The following KLHDC7A variants were observed in gnomAD, a reference collection of about 807,000 sequenced individuals.
The protein encoded by KLHDC7A is kelch domain-containing protein 7A.
For synonymous variants in KLHDC7A, 464 were observed against 461.0 expected (o/e 1.01, Z -0.08); for missense variants, 1,123 against 1,052.6 (o/e 1.07, Z -0.93).
In KLHDC7A at chr1:18,482,936, C is replaced by A. The variant is rs377552667; in HGVS notation, c.1955C>A (p.Ala652Glu). ...SLRFLLFRFS[A>E]QEQRWWAGPT... Reference sequence around the variant, plus strand: ...CGCTTCCTGCTGTTCCGCTTCTCTGCGCAGGAGCAGCGCTGGTGGGCCGGC... The same window carrying A: ...CGCTTCCTGCTGTTCCGCTTCTCTGAGCAGGAGCAGCGCTGGTGGGCCGGC... Residue 652 changes from alanine (A) to glutamate (E), a missense_variant, in exon 1 of 1, where the codon GCG becomes GAG. By Grantham distance (107) the Ala-to-Glu change is moderately radical. Transcript: ENST00000400664. 3.4e-4 allele frequency: 554 copies of A among 1,611,464 alleles called. 1 individual carries two copies. The highest frequency in any genetic ancestry group is 4.3e-4 in the Non-Finnish European group (509 of 1,179,560).
In KLHDC7A at chr1:18,483,701, C is replaced by T; in HGVS notation, c.*386C>T. On this transcript the variant is annotated 3_prime_UTR_variant, in exon 1 of 1. Coordinates refer to ENST00000400664, the MANE Select transcript of KLHDC7A (RefSeq NM_152375.3). The stretch of plus-strand genomic sequence containing the variant: ...GCCAGTTGACCCCAGCAGCCCCTCG[C>T]TAGTTGCTCTGGAGAGGGGTTGGCT... 8.4e-7 allele frequency: 1 copy of T among 1,193,410 alleles called. No homozygotes were observed. Among genetic ancestry groups the T allele is most frequent in the Non-Finnish European group, 1.1e-6 (1 of 939,232 alleles). The allele number at this position is 1,193,410 out of a possible 1,614,324, so 73.9% of individuals were successfully genotyped here.
chr1:18,481,352 AGGAGC>A lies in KLHDC7A; in HGVS notation c.374_378del (p.Glu125GlyfsTer8). Reference sequence around the variant, plus strand: ...AAGCCCCAGAGAAAAGGCTCAGGTGAGGAGCGGGGCGGGCAGGGCTCGGACTCTGA... The same window carrying A: ...AAGCCCCAGAGAAAAGGCTCAGGTGAGGGGCGGGCAGGGCTCGGACTCTGA... On this transcript the variant is annotated frameshift_variant, in exon 1 of 1. Coordinates refer to ENST00000400664, the MANE Select transcript of KLHDC7A (RefSeq NM_152375.3). LOFTEE classifies it low-confidence loss of function (END_TRUNC). 6.2e-7 allele frequency: 1 copy of A among 1,604,018 alleles called. No individual in the cohort carries two copies. The highest frequency in any genetic ancestry group is 8.5e-7 in the Non-Finnish European group (1 of 1,174,712).
chr1:18,482,023 T>C lies in KLHDC7A; in HGVS notation c.1042T>C (p.Ser348Pro). 1 of 1,612,696 alleles carries C rather than the reference T, an allele frequency of 6.2e-7. No homozygotes were observed. ...DTKGAAERAASPQTGPWPSTR... is the reference protein window; with the variant it reads ...DTKGAAERAAPPQTGPWPSTR... Reference sequence around the variant, plus strand: ...AAAGGGTGCAGCCGAAAGAGCCGCCTCCCCGCAGACAGGGCCGTGGCCCTC... The same window carrying C: ...AAAGGGTGCAGCCGAAAGAGCCGCCCCCCCGCAGACAGGGCCGTGGCCCTC... The change falls in exon 1 of 1, where the codon TCC (serine) becomes CCC (proline). Residue 348 changes from serine (S) to proline (P), a missense_variant. Physicochemically the swap from Ser to Pro is moderately conservative, Grantham distance 74 (BLOSUM62 -1). Coordinates refer to ENST00000400664, the MANE Select transcript of KLHDC7A (RefSeq NM_152375.3).
Position 18,481,053 on chromosome 1 carries a change from A to G in KLHDC7A, c.72A>G (p.Ser24=), listed in dbSNP as rs1336041645. The change falls in exon 1 of 1, where the codon TCA becomes TCG. Residue 24 remains serine, a synonymous_variant. Coordinates refer to ENST00000400664, the MANE Select transcript of KLHDC7A (RefSeq NM_152375.3). ...DMQLTGKVVL[S]AAALLLVTVA... ...AGCTGACCGGCAAGGTGGTGCTGTC[A>G]GCCGCTGCCCTGCTCCTGGTGACTG... The G allele has an allele frequency of 1.2e-6, 2 of 1,613,470 alleles. No homozygotes were observed. Among genetic ancestry groups the G allele is most frequent in the Admixed American group, 3.3e-5 (2 of 59,968 alleles).
rs2086885782 is a variant in KLHDC7A at position 18,481,167 on chromosome 1, C to T, written c.186C>T (p.Gly62=). Residue 62 remains glycine (G), a synonymous_variant, in exon 1 of 1, where the codon GGC becomes GGT. Coordinates refer to ENST00000400664, the MANE Select transcript of KLHDC7A (RefSeq NM_152375.3). The stretch of plus-strand genomic sequence containing the variant: ...CAGAAGCCAAGGAGGAAGCAGAGGG[C>T]TCAGGGCAGCCTGCTGTACAGGAGG... ...GQAEAKEEAE[G]SGQPAVQEAS... 2 of 1,610,906 alleles carry T rather than the reference C, an allele frequency of 1.2e-6. No homozygotes were observed. The highest frequency in any genetic ancestry group is 4.5e-5 in the East Asian group (2 of 44,872).
Position 18,482,762 on chromosome 1 carries a change from T to G in KLHDC7A, c.1781T>G (p.Ile594Ser). The G allele has an allele frequency of 6.2e-7, 1 of 1,610,422 alleles. No homozygotes were observed. The highest frequency in any genetic ancestry group is 1.7e-5 in the Admixed American group (1 of 59,872). Residue 594 changes from isoleucine (I) to serine (S), a missense_variant, in exon 1 of 1, where the codon ATC becomes AGC. Transcript: ENST00000400664. ...LVALDGHLYAIGGECLNSVER... is the reference protein window; with the variant it reads ...LVALDGHLYASGGECLNSVER... Reference sequence around the variant, plus strand: ...GCCCTGGACGGGCACCTGTATGCCATCGGCGGAGAGTGTCTGAACTCGGTG... The same window carrying G: ...GCCCTGGACGGGCACCTGTATGCCAGCGGCGGAGAGTGTCTGAACTCGGTG...
In KLHDC7A at chr1:18,481,676, G is replaced by T; in HGVS notation, c.695G>T (p.Ser232Ile). 1 of 1,614,140 alleles carries T rather than the reference G, an allele frequency of 6.2e-7. No individual in the cohort carries two copies. The highest frequency in any genetic ancestry group is 1.1e-5 in the South Asian group (1 of 91,088). ...GTCTTCACCCGTGTGATAGGGGTCAGCAGAGAAGAGGCTGGGGCTCTCGAG... is the reference window on the plus strand; with the variant it reads ...GTCTTCACCCGTGTGATAGGGGTCATCAGAGAAGAGGCTGGGGCTCTCGAG... The part of the protein sequence containing the change: ...SWVFTRVIGV[S>I]REEAGALEAA... The change falls in exon 1 of 1, where the codon AGC becomes ATC. Residue 232 changes from serine (S) to isoleucine (I), a missense_variant. Transcript: ENST00000400664.
Position 18,484,349 on chromosome 1 carries a change from A to C in KLHDC7A, c.*1034A>C. On this transcript the variant is annotated 3_prime_UTR_variant, in exon 1 of 1. Coordinates refer to ENST00000400664, the MANE Select transcript of KLHDC7A (RefSeq NM_152375.3). ...TCTCCTTTCACATCTGGTTTGATAA[A>C]CTCCGAATGAAGGAGACCCCCAGCC... 7.2e-6 allele frequency: 2 copies of C among 277,974 alleles called. No homozygotes were observed. Among genetic ancestry groups the C allele is most frequent in the Non-Finnish European group, 7.6e-6 (1 of 132,274 alleles). 17.2% of individuals were successfully genotyped at this position (277,974 alleles called of 1,614,324 possible).
rs2086915546 is a variant in KLHDC7A, at chr1:18,483,639, T to G, written c.*324T>G. 2 of 1,252,256 alleles carry G rather than the reference T, an allele frequency of 1.6e-6. No individual in the cohort carries two copies. Among genetic ancestry groups the G allele is most frequent in the Non-Finnish European group, 2.0e-6 (2 of 978,126 alleles). 77.6% of individuals were successfully genotyped at this position (1,252,256 alleles called of 1,614,324 possible). The stretch of plus-strand genomic sequence containing the variant: ...GATACACCGGGACCCCACCAAAGCT[T>G]AGGGGGCATAGTCTTTTTGCAATCA... On this transcript the variant is annotated 3_prime_UTR_variant, in exon 1 of 1. Transcript: ENST00000400664.
rs1381526670 is a variant in KLHDC7A at position 18,481,608 on chromosome 1, C to T, written c.627C>T (p.Tyr209=). ...AACTAGAACCTCCCCACTGTCACTA[C>T]GTGGCTCCCTTGCAAGGCAGCAGTG... is the stretch of plus-strand genomic sequence containing the variant. ...LGQLEPPHCH[Y]VAPLQGSSDM... The change falls in exon 1 of 1, where the codon TAC becomes TAT. Residue 209 remains tyrosine, a synonymous_variant. Transcript: ENST00000400664. The T allele has an allele frequency of 6.2e-6, 10 of 1,613,880 alleles. No individual in the cohort carries two copies. Among genetic ancestry groups the T allele is most frequent in the Non-Finnish European group, 8.5e-6 (10 of 1,180,030 alleles).
chr1:18,484,170 C>A lies in KLHDC7A; in HGVS notation c.*855C>A. 1 of 615,168 alleles carries A rather than the reference C, an allele frequency of 1.6e-6. No individual in the cohort carries two copies. Among genetic ancestry groups the A allele is most frequent in the South Asian group, 1.6e-5 (1 of 62,132 alleles). 38.1% of individuals were successfully genotyped at this position (615,168 alleles called of 1,614,324 possible). A position where few individuals can be genotyped will look rare whatever the true frequency, so the allele number is the denominator to read the frequency against. On this transcript the variant is annotated 3_prime_UTR_variant, in exon 1 of 1. Coordinates refer to ENST00000400664, the MANE Select transcript of KLHDC7A (RefSeq NM_152375.3). ...CTGTAGCCGTCTTCCTGTCTGGAAG[C>A]TGGGGCAACCACCACCAGTCAGCAC...
In KLHDC7A at chr1:18,482,813, G is replaced by A. The variant is rs753880629; in HGVS notation, c.1832G>A (p.Arg611His). 9 of 1,609,356 alleles carry A rather than the reference G, an allele frequency of 5.6e-6. No homozygotes were observed. In the Admixed American group the frequency reaches 1.0e-4, roughly 18 times the overall value. Reference protein sequence around the residue: ...SVERYDPRLDRWDFAPPLPSD... With the variant: ...SVERYDPRLDHWDFAPPLPSD... ...GAGCGTTACGACCCCCGCCTGGACCGCTGGGACTTTGCCCCGCCGCTCCCC... is the reference window on the plus strand; with the variant it reads ...GAGCGTTACGACCCCCGCCTGGACCACTGGGACTTTGCCCCGCCGCTCCCC... Residue 611 changes from arginine (R) to histidine (H), a missense_variant, in exon 1 of 1, where the codon CGC becomes CAC. By Grantham distance (29) the Arg-to-His change is conservative. Coordinates refer to ENST00000400664, the MANE Select transcript of KLHDC7A (RefSeq NM_152375.3).
At position 18,482,229 on chromosome 1, in the gene KLHDC7A, C is replaced by T. The variant is rs928878912; in HGVS notation, c.1248C>T (p.Phe416=). The stretch of plus-strand genomic sequence containing the variant: ...AGCCGGTGGCCGGGACCAATTTCTT[C>T]CATATCCCGCTCACCCCTGCTTCAG... The part of the protein sequence containing the change: ...HVQPVAGTNF[F]HIPLTPASAP... Residue 416 remains phenylalanine (F), a synonymous_variant, in exon 1 of 1, where the codon TTC becomes TTT. Coordinates refer to ENST00000400664, the MANE Select transcript of KLHDC7A (RefSeq NM_152375.3). 1.1e-5 allele frequency: 17 copies of T among 1,607,918 alleles called. No individual in the cohort carries two copies. Among genetic ancestry groups the T allele is most frequent in the Non-Finnish European group, 1.4e-5 (17 of 1,179,938 alleles).
In KLHDC7A at chr1:18,482,280, C is replaced by T; in HGVS notation, c.1299C>T (p.Gly433=). ...ASAPQVRLDL[G]NCYEVLTLAK... ...CCCCACAGGTCCGCCTGGATCTGGGCAATTGCTATGAGGTGCTGACCTTGG... is the reference window on the plus strand; with the variant it reads ...CCCCACAGGTCCGCCTGGATCTGGGTAATTGCTATGAGGTGCTGACCTTGG... Residue 433 remains glycine (G), a synonymous_variant, in exon 1 of 1, where the codon GGC becomes GGT. Transcript: ENST00000400664. The T allele has an allele frequency of 6.2e-7, 1 of 1,603,516 alleles. No individual in the cohort carries two copies. The highest frequency in any genetic ancestry group is 8.5e-7 in the Non-Finnish European group (1 of 1,179,960).
rs764720532 is a variant in KLHDC7A at position 18,481,774 on chromosome 1, A to G, written c.793A>G (p.Ile265Val). ...CAACTCCTCCTATACCTTCTCATCC[A>G]TAGCCCGCGTCCGAATGGAGGAGCA... The part of the protein sequence containing the change: ...APNSSYTFSS[I>V]ARVRMEEHFI... Residue 265 changes from isoleucine to valine, a missense_variant, in exon 1 of 1, where the codon ATA (isoleucine) becomes GTA (valine). Transcript: ENST00000400664. The G allele has an allele frequency of 3.8e-5, 61 of 1,613,972 alleles. No homozygotes were observed. Among genetic ancestry groups the G allele is most frequent in the Non-Finnish European group, 5.2e-5 (61 of 1,180,018 alleles).
Position 18,482,559 on chromosome 1 carries a change from C to A in KLHDC7A, c.1578C>A (p.Pro526=), listed in dbSNP as rs1357724067. 1.9e-6 allele frequency: 3 copies of A among 1,611,752 alleles called. No homozygotes were observed. The highest frequency in any genetic ancestry group is 2.7e-5 in the African/African-American group (2 of 74,928). The stretch of plus-strand genomic sequence containing the variant: ...GGCGCCCGCTGGCTCGCATGCCCCC[C>A]GAGGCCGTGTCCCGGGGCTGTGCCA... The part of the protein sequence containing the change: ...DVWRPLARMP[P]EAVSRGCAIC... The change falls in exon 1 of 1, where the codon CCC becomes CCA. Residue 526 remains proline (P), a synonymous_variant. Transcript: ENST00000400664.
Position 18,483,402 on chromosome 1 carries a change from A to T in KLHDC7A, c.*87A>T, listed in dbSNP as rs2992745. The T allele has an allele frequency of 0.6, 923,200 of 1,537,038 alleles. 281,414 individuals carry two copies. The highest frequency in any genetic ancestry group is 0.9 in the East Asian group (39,856 of 44,130). On this transcript the variant is annotated 3_prime_UTR_variant, in exon 1 of 1. Coordinates refer to ENST00000400664, the MANE Select transcript of KLHDC7A (RefSeq NM_152375.3). ...CCCTCTGGGGGCCATTTCTAGGCAAACAGGCAACCCAGGAATGTGGCCATC... is the reference window on the plus strand; with the variant it reads ...CCCTCTGGGGGCCATTTCTAGGCAATCAGGCAACCCAGGAATGTGGCCATC...
rs1422192740 is a variant in KLHDC7A, at chr1:18,481,252, G to A, written c.271G>A (p.Ala91Thr). ...RRRRSSKRAE[A>T]PQGCSCENPR... ...TCGGAGGAGCAGCAAGCGGGCTGAAGCACCACAGGGCTGCAGCTGTGAGAA... is the reference window on the plus strand; with the variant it reads ...TCGGAGGAGCAGCAAGCGGGCTGAAACACCACAGGGCTGCAGCTGTGAGAA... The change falls in exon 1 of 1, where the codon GCA (alanine) becomes ACA (threonine). Residue 91 changes from alanine (A) to threonine (T), a missense_variant. Coordinates refer to ENST00000400664, the MANE Select transcript of KLHDC7A (RefSeq NM_152375.3). The A allele has an allele frequency of 3.2e-6, 5 of 1,583,440 alleles. No homozygotes were observed. Among genetic ancestry groups the A allele is most frequent in the Admixed American group, 1.8e-5 (1 of 56,516 alleles).
Position 18,484,887 on chromosome 1 carries a change from G to A in KLHDC7A, c.*1572G>A. On this transcript the variant is annotated 3_prime_UTR_variant, in exon 1 of 1. Transcript: ENST00000400664. ...GCTCAGAGGCCACAGGGTGACATTG[G>A]CCACACCCCCACCCCACTTCCCTGG... The A allele has an allele frequency of 6.0e-6, 1 of 167,208 alleles. No homozygotes were observed. 10.4% of individuals were successfully genotyped at this position (167,208 alleles called of 1,614,324 possible).
Sources: gnomAD v4.1 joint callset for allele counts on GRCh38, gnomAD v4.1.1 for gene constraint, MANE v1.5 for transcripts, NCBI Gene and HGNC (gene_info 2026-07-23, HGNC 2026-07-21) for gene names.